TMEM164: variants seen among roughly 807,000 people sequenced by gnomAD.
TMEM164 encodes the protein transmembrane protein 164.
A neutral mutation model predicts 18.8 loss-of-function variants in TMEM164; 4 were observed. The ratio of observed to expected loss-of-function variants is 0.21; its 90% CI spans 0.10 to 0.49. The LOEUF (loss-of-function observed/expected upper bound fraction) is 0.49. TMEM164 is among the 20% of genes least tolerant of loss of function. The pLI, the probability that TMEM164 is intolerant of heterozygous loss-of-function variation, is 0.98. For missense variants in TMEM164, 108 were observed against 239.9 expected, an observed-to-expected ratio of 0.45 and a Z score of 3.63; for synonymous variants, 86 against 101.7, an observed-to-expected ratio of 0.85 and a Z score of 0.93.
At chrX:110,127,887 G>A (rs1177078978) in intron 4 of TMEM164, among the ~76,000 whole-genome samples, 1 of 112,130 alleles carries the variant, frequency 8.9e-6, no homozygotes, top group Non-Finnish European at 1.9e-5. Context: ...GATAGAGCAT[G>A]CTAGGTGCAC....
chrX:110,049,534 G>A (rs1453078560), intron 2 of TMEM164, among the ~76,000 whole-genome samples: 2 of 111,237 alleles, frequency 1.8e-5, no homozygotes, highest in African/African-American at 6.5e-5. Flanking sequence ...TCTGACAGGA[G>A]GTGGAGCTCA....
chrX:110,124,121 TGGAAGGAAGGAAGGAA>T (rs1200145593), intron 4 of TMEM164, among the ~76,000 whole-genome samples: 42 of 65,334 alleles, frequency 6.4e-4, no homozygotes, highest in African/African-American at 9.9e-4. Context: ...TAATAACAAA[TGGAAGGAAGGAAGGAA>T]GGAAGGAAGG....
intron 2 of TMEM164, among the ~76,000 whole-genome samples, chrX:110,007,346 C>T: frequency 8.9e-6 from 1 of 112,682 alleles, no homozygotes; most frequent in East Asian, 2.8e-4. Context: ...CTAGCACTGT[C>T]TCACAGCTAA....
At position 110,176,448 on chromosome X, in the gene TMEM164, T is replaced by A. The variant is rs1483967932; in HGVS notation, c.*2997T>A. On this transcript the variant is annotated 3_prime_UTR_variant, in exon 7 of 7. Coordinates refer to ENST00000372068, the MANE Select transcript of TMEM164 (RefSeq NM_032227.4). ...AGACTCAGTCTCCCCAAGTCAGCAATCTCTTTCTCTCTCTCTCCTCAAACT... is the reference window on the plus strand; with the variant it reads ...AGACTCAGTCTCCCCAAGTCAGCAAACTCTTTCTCTCTCTCTCCTCAAACT... 1.3e-6 allele frequency: 1 copy of A among 747,514 alleles called. No individual in the cohort carries two copies. 61.6% of individuals were successfully genotyped at this position (747,514 alleles called of 1,213,427 possible). A position where few individuals can be genotyped will look rare whatever the true frequency, so the allele number is the denominator to read the frequency against.
At chrX:110,058,029 C>G (rs771149524) in intron 2 of TMEM164, among the ~76,000 whole-genome samples, 1 of 111,568 alleles carries the variant, frequency 9.0e-6, no homozygotes, top group Admixed American at 9.5e-5. Flanking sequence ...TTGCCAAGAC[C>G]AATTTCAAGA....
At chrX:110,092,383 A>C (rs752566750) in intron 3 of TMEM164, among the ~76,000 whole-genome samples, 13 of 111,426 alleles carry the variant, frequency 1.2e-4, no homozygotes, top group South Asian at 3.7e-4. Flanking sequence ...CTTTTATTTC[A>C]TTGAGCAGTG....
intron 5 of TMEM164, among the ~76,000 whole-genome samples, chrX:110,169,793 A>G (rs1171045783): frequency 8.9e-6 from 1 of 112,063 alleles, no homozygotes; most frequent in African/African-American, 3.2e-5. Flanking sequence ...CTGGGTGCAC[A>G]TCCCTTCAGG....
chrX:110,158,162 C>T (rs766107918), intron 5 of TMEM164, among the ~76,000 whole-genome samples: 1 of 111,980 alleles, frequency 8.9e-6, no homozygotes, highest in East Asian at 2.8e-4. Context: ...GCTGGGATTA[C>T]AGGTGAGAGC....
chrX:110,159,715 G>C (rs1469139378), intron 5 of TMEM164, among the ~76,000 whole-genome samples: 1 of 111,516 alleles, frequency 9.0e-6, no homozygotes, highest in Non-Finnish European at 1.9e-5. Context: ...GAGAACGAGG[G>C]AAGAGTAAAC....
intron 2 of TMEM164, among the ~76,000 whole-genome samples, chrX:110,060,911 C>T (rs186982526): frequency 4.9e-4 from 55 of 112,120 alleles, no homozygotes; most frequent in Non-Finnish European, 9.0e-4. Flanking sequence ...GTGTGCCAGG[C>T]ATTTGAACTA....
At chrX:110,100,474 A>G (rs1419056259) in intron 3 of TMEM164, among the ~76,000 whole-genome samples, 1 of 111,713 alleles carries the variant, frequency 9.0e-6, no homozygotes, top group East Asian at 2.8e-4. Context: ...AGTCTTTTTT[A>G]GTCTTTTCAG....
At chrX:110,098,050 T>C (rs928984677) in intron 3 of TMEM164, among the ~76,000 whole-genome samples, 12 of 112,018 alleles carry the variant, frequency 1.1e-4, no homozygotes, top group African/African-American at 3.9e-4. Flanking sequence ...CTTCTCATAC[T>C]CTTCCTTTAG....
chrX:110,090,722 A>C (rs930077983), intron 3 of TMEM164, among the ~76,000 whole-genome samples: 5 of 111,268 alleles, frequency 4.5e-5, no homozygotes, highest in Non-Finnish European at 7.5e-5. Context: ...TTTATTTTTT[A>C]TTATACTTTA....
downstream of TMEM164, among the ~76,000 whole-genome samples, chrX:110,181,475 T>G (rs1308918004): frequency 1.8e-5 from 2 of 112,247 alleles, no homozygotes; most frequent in Non-Finnish European, 3.8e-5. Context: ...CCAGAACAAC[T>G]CCAATTTTAT....
intron 3 of TMEM164, among the ~76,000 whole-genome samples, chrX:110,081,060 A>G (rs1335602058): frequency 9.1e-6 from 1 of 110,198 alleles, no homozygotes; most frequent in Non-Finnish European, 1.9e-5. Context: ...TAATGGGTGC[A>G]TATTATTCCA....
At chrX:110,086,010 G>A (rs889094815) in intron 3 of TMEM164, among the ~76,000 whole-genome samples, 5 of 112,253 alleles carry the variant, frequency 4.5e-5, no homozygotes, top group East Asian at 5.6e-4. Flanking sequence ...GTTGTGGAAG[G>A]ACTCAATGTT....
At chrX:110,116,822 TTGTGTGTGTGTGTGTGTGTG>T (rs560695330) in intron 4 of TMEM164, among the ~76,000 whole-genome samples, 2 of 97,041 alleles carry the variant, frequency 2.1e-5, no homozygotes, top group Non-Finnish European at 4.2e-5. Flanking sequence ...GGCCACTCCC[TTGTGTGTGTGTGTGTGTGTG>T]TGTGTGTGTG....
At chrX:110,015,077 A>G (rs988039593) in intron 2 of TMEM164, among the ~76,000 whole-genome samples, 1 of 111,967 alleles carries the variant, frequency 8.9e-6, no homozygotes, top group Non-Finnish European at 1.9e-5. Context: ...CTCCTTTTCA[A>G]GACTTTGCTC....
At chrX:110,023,274 G>A (rs1258990562) in intron 2 of TMEM164, among the ~76,000 whole-genome samples, 2 of 111,320 alleles carry the variant, frequency 1.8e-5, no homozygotes, top group Non-Finnish European at 3.8e-5. Context: ...CTCCTCCTAA[G>A]GGTCTTTCCC....
Sources: gnomAD v4.1 joint callset for allele counts (sites outside exome capture counted in the v4.1 genomes callset) on GRCh38, gnomAD v4.1.1 for gene constraint, MANE v1.5 for transcripts, NCBI Gene and HGNC (gene_info 2026-07-23, HGNC 2026-07-21) for gene names.